Variants in MICU1 observed in about 807,000 individuals in gnomAD.
MICU1 encodes the protein mitochondrial calcium uptake 1.
A neutral mutation model predicts 56.8 loss-of-function variants in MICU1; 45 were observed. The ratio of observed to expected loss-of-function variants is 0.79; its 90% CI spans 0.62 to 1.02. MICU1 has a LOEUF of 1.02. Among genes scored for constraint, MICU1 ranks in the 50% least tolerant of loss-of-function variants. MICU1 has a pLI of 0.00. For missense variants in MICU1, 504 were observed against 587.1 expected, an observed-to-expected ratio of 0.86 and a Z score of 1.46; for synonymous variants, 186 against 195.1, an observed-to-expected ratio of 0.95 and a Z score of 0.39.
intron 1 of MICU1, among the ~76,000 whole-genome samples, chr10:72,579,071 C>T (rs987709645): frequency 1.3e-5 from 2 of 152,142 alleles, no homozygotes; most frequent in Non-Finnish European, 1.5e-5. Flanking sequence ...ACACCTATAC[C>T]TAAAATACCA....
intron 6 of MICU1, among the ~76,000 whole-genome samples, chr10:72,494,179 G>A (rs1866759856): frequency 1.3e-5 from 2 of 152,142 alleles, no homozygotes; most frequent in South Asian, 4.1e-4. Context: ...CCTTAGGGCC[G>A]ACCTGGGGGT....
chr10:72,430,424 T>C (rs1050865313), intron 8 of MICU1, among the ~76,000 whole-genome samples: 1 of 152,132 alleles, frequency 6.6e-6, no homozygotes. Context: ...ATATTTGACA[T>C]ATACATAATA....
intron 1 of MICU1, among the ~76,000 whole-genome samples, chr10:72,620,355 T>C (rs1842075338): frequency 1.3e-5 from 2 of 151,954 alleles, no homozygotes; most frequent in East Asian, 3.9e-4. Context: ...TGGCTAATTT[T>C]TTGTATTTTT....
intron 1 of MICU1, among the ~76,000 whole-genome samples, chr10:72,602,392 A>G (rs1183912002): frequency 6.6e-6 from 1 of 151,880 alleles, no homozygotes; most frequent in Non-Finnish European, 1.5e-5. Context: ...GGGAGGTTGC[A>G]GTGAGACAAC....
At chr10:72,432,932 C>T (rs551704290) in intron 8 of MICU1, among the ~76,000 whole-genome samples, 19 of 152,258 alleles carry the variant, frequency 1.2e-4, no homozygotes, top group Middle Eastern at 3.4e-3. Flanking sequence ...TAGGCAAATG[C>T]GTGGATCTTC....
intron 9 of MICU1, among the ~76,000 whole-genome samples, chr10:72,412,806 G>A (rs1007496931): frequency 1.3e-5 from 2 of 150,830 alleles, no homozygotes; most frequent in African/African-American, 4.9e-5. Context: ...AGCCAAGATT[G>A]CGCCATTGCA....
intron 3 of MICU1, among the ~76,000 whole-genome samples, chr10:72,556,343 CT>C (rs199890662): frequency 2.6e-5 from 4 of 151,490 alleles, no homozygotes; most frequent in African/African-American, 9.7e-5. Flanking sequence ...TATTAACATT[CT>C]TTTTTTTTCT....
intron 6 of MICU1, among the ~76,000 whole-genome samples, chr10:72,493,725 G>C (rs1172972104): frequency 6.6e-6 from 1 of 152,140 alleles, no homozygotes; most frequent in Non-Finnish European, 1.5e-5. Flanking sequence ...CGAAGTGCTA[G>C]GATTACAGGT....
intron 5 of MICU1, among the ~76,000 whole-genome samples, chr10:72,510,976 T>C (rs60460672): frequency 0.053 from 8,103 of 152,238 alleles, 739 homozygotes; most frequent in African/African-American, 0.18. Context: ...CCCAATAATT[T>C]CCTTTATAGC....
intron 1 of MICU1, among the ~76,000 whole-genome samples, chr10:72,589,179 C>T (rs185187962): frequency 2.0e-5 from 3 of 152,092 alleles, no homozygotes; most frequent in Admixed American, 2.0e-4. Flanking sequence ...ATCCCAGCTA[C>T]TCAGGAGGCC....
chr10:72,557,807 T>C (rs1015732542), intron 3 of MICU1, among the ~76,000 whole-genome samples: 3 of 152,218 alleles, frequency 2.0e-5, no homozygotes, highest in African/African-American at 7.2e-5. Flanking sequence ...AAATGCTCAA[T>C]AGTTTCCTTC....
intron 2 of MICU1, among the ~76,000 whole-genome samples, chr10:72,565,875 T>C (rs1284838133): frequency 1.3e-5 from 2 of 151,942 alleles, no homozygotes; most frequent in East Asian, 1.9e-4. Flanking sequence ...ACAGTAACTA[T>C]GTATTTTAAG....
chr10:72,423,240 T>C lies in MICU1; in HGVS notation c.1065A>G (p.Glu355=). ...MQRQLKKHFK[E]GKGLTFQEVE... ...TCCAGCCAAAGCTACCTACCTTTCC[T>C]TCTTTGAAGTGCTTCTTGAGCTGCC... The change falls in exon 9 of 12, where the codon GAA becomes GAG. Residue 355 remains glutamate (E), a synonymous_variant. Transcript: ENST00000361114. 1 of 1,612,898 alleles carries C rather than the reference T, an allele frequency of 6.2e-7. No homozygotes were observed. Among genetic ancestry groups the C allele is most frequent in the East Asian group, 2.2e-5 (1 of 44,866 alleles).
At chr10:72,535,693 T>G (rs75515529) in intron 4 of MICU1, among the ~76,000 whole-genome samples, 4,146 of 152,180 alleles carry the variant, frequency 0.027, 184 homozygotes, top group African/African-American at 0.096. Flanking sequence ...ATCTTCCTGG[T>G]CCCTTACAAA....
Position 72,589,255 on chromosome 10 carries a change from C to T in MICU1, c.-1-22461G>A, listed in dbSNP as rs146638411. Among the ~76,000 whole-genome samples the T allele has an allele frequency of 2.5e-3, 385 of 151,704 alleles. 4 individuals are homozygous for T. Among genetic ancestry groups the T allele is most frequent in the African/African-American group, 8.9e-3 (369 of 41,278 alleles). The stretch of plus-strand genomic sequence containing the variant: ...AGTGGGCCGAGATTGCGTCACTGCA[C>T]TCCAGCCTGGGCGACTGACTGAAAC... On this transcript the variant is annotated intron_variant, in intron 1 of 11. Coordinates refer to ENST00000361114, the MANE Select transcript of MICU1 (RefSeq NM_001195518.2).
chr10:72,567,899 G>A (rs1414532), intron 1 of MICU1, among the ~76,000 whole-genome samples: 70,058 of 151,940 alleles, frequency 0.46, 20,403 homozygotes, highest in Non-Finnish European at 0.67. Flanking sequence ...TATCACAAAC[G>A]GGACAATGAA....
At chr10:72,611,713 T>A (rs1395296396) in intron 1 of MICU1, among the ~76,000 whole-genome samples, 1 of 152,088 alleles carries the variant, frequency 6.6e-6, no homozygotes, top group Non-Finnish European at 1.5e-5. Flanking sequence ...ACACTGAGAA[T>A]AACAGACTAA....
intron 1 of MICU1, among the ~76,000 whole-genome samples, chr10:72,584,832 A>C (rs1841002083): frequency 6.6e-6 from 1 of 152,132 alleles, no homozygotes; most frequent in African/African-American, 2.4e-5. Context: ...GTGAGCCACC[A>C]TTCTGGACCT....
intron 5 of MICU1, among the ~76,000 whole-genome samples, chr10:72,523,532 C>T (rs1305108265): frequency 6.6e-6 from 1 of 151,984 alleles, no homozygotes. Context: ...AAATTACACC[C>T]CATTTTTCAA....
Sources: allele counts gnomAD v4.1 joint callset (sites outside exome capture counted in the v4.1 genomes callset), GRCh38; gene constraint gnomAD v4.1.1; transcripts MANE v1.5; gene names NCBI Gene and HGNC (gene_info 2026-07-23, HGNC 2026-07-21).